The following FAXDC2 variants were observed in gnomAD, a reference collection of about 807,000 sequenced individuals.
FAXDC2 encodes the protein fatty acid hydroxylase domain-containing protein 2.
Under a neutral mutation model 40.9 loss-of-function variants are expected in FAXDC2, and 41 were observed. The ratio of observed to expected loss-of-function variants is 1.00; its 90% CI spans 0.78 to 1.30. FAXDC2 has a LOEUF of 1.30. Ranked by LOEUF, FAXDC2 falls within the 50% of genes most tolerant of loss-of-function variation. The pLI, the probability that FAXDC2 is intolerant of heterozygous loss-of-function variation, is 0.00. For missense variants in FAXDC2, 390 were observed against 408.8 expected (o/e 0.95, Z 0.40); for synonymous variants, 157 against 149.3 (o/e 1.05, Z -0.38).
At chr5:154,822,385 T>C in intron 7 of FAXDC2, 87 bp downstream of exon 7, 1 of 852,234 alleles carries the variant, frequency 1.2e-6, no homozygotes, top group South Asian at 1.5e-5. Context: ...AAAGGGCCGG[T>C]GTGGTCTAAG....
At chr5:154,828,838 C>T (rs756688536) in intron 5 of FAXDC2, among the ~76,000 whole-genome samples, 1 of 147,416 alleles carries the variant, frequency 6.8e-6, no homozygotes, top group Non-Finnish European at 1.5e-5. Flanking sequence ...TAGCATCAAG[C>T]GATCCTCCTG....
intron 1 of FAXDC2, among the ~76,000 whole-genome samples, chr5:154,847,783 G>T (rs1030665424): frequency 6.6e-6 from 1 of 151,512 alleles, no homozygotes; most frequent in Non-Finnish European, 1.5e-5. Flanking sequence ...GAGCCACTGC[G>T]CCTGGCCCAG....
intron 1 of FAXDC2, among the ~76,000 whole-genome samples, chr5:154,847,737 C>A (rs945110643): frequency 6.6e-6 from 1 of 151,356 alleles, no homozygotes; most frequent in Non-Finnish European, 1.5e-5. Flanking sequence ...GTGATACACC[C>A]ACCTTGGCCT....
At chr5:154,822,887 C>T (rs1309620951) in intron 6 of FAXDC2, among the ~76,000 whole-genome samples, 2 of 152,216 alleles carry the variant, frequency 1.3e-5, no homozygotes, top group East Asian at 1.9e-4. Flanking sequence ...TTTGGACATT[C>T]ATTCCTCAGT....
chr5:154,850,420 A>C (rs1481690138), intron 1 of FAXDC2, 63 bp downstream of exon 1: 5 of 152,108 alleles, frequency 3.3e-5, no homozygotes, highest in Non-Finnish European at 5.9e-5. Flanking sequence ...CCCTTACTTT[A>C]AGTGAACCTG....
chr5:154,823,032 G>A (rs1296298813), intron 6 of FAXDC2, among the ~76,000 whole-genome samples: 2 of 151,908 alleles, frequency 1.3e-5, no homozygotes, highest in Non-Finnish European at 2.9e-5. Context: ...TTTTCTTTGA[G>A]ACAAGGTCTT....
chr5:154,848,241 AG>A (rs1233278875), intron 1 of FAXDC2, among the ~76,000 whole-genome samples: 1 of 152,120 alleles, frequency 6.6e-6, no homozygotes, highest in African/African-American at 2.4e-5. Context: ...TTACTCTTAG[AG>A]GGGGGAGAAA....
At chr5:154,824,237 C>CA (rs1488764372) in intron 5 of FAXDC2, 2 of 529,736 alleles carry the variant, frequency 3.8e-6, no homozygotes, top group Non-Finnish European at 6.8e-6. Context: ...CATTTGGCCT[C>CA]AATACTGCAG....
intron 5 of FAXDC2, chr5:154,830,537 G>A: frequency 5.5e-6 from 2 of 363,718 alleles, no homozygotes; most frequent in South Asian, 4.1e-5. Flanking sequence ...TGACCACAGT[G>A]CCATGGGGCA....
intron 2 of FAXDC2, 48 bp downstream of exon 2, chr5:154,838,083 C>T: frequency 7.8e-7 from 1 of 1,274,728 alleles, no homozygotes; most frequent in Non-Finnish European, 1.1e-6. Context: ...TGGCAAAGAG[C>T]CACTGACTAC....
At chr5:154,831,092 G>T in intron 4 of FAXDC2, 170 bp from the exon 5 acceptor site, 1 of 618,524 alleles carries the variant, frequency 1.6e-6, no homozygotes, top group Non-Finnish European at 2.7e-6. Flanking sequence ...GTAGGAACTT[G>T]GACAGGCCAT....
chr5:154,826,072 G>T (rs1178150188), intron 5 of FAXDC2, among the ~76,000 whole-genome samples: 1 of 152,166 alleles, frequency 6.6e-6, no homozygotes, highest in South Asian at 2.1e-4. Flanking sequence ...TGTGTGAGCT[G>T]TCGGCCTATG....
At chr5:154,841,890 C>T (rs908439756) in intron 1 of FAXDC2, among the ~76,000 whole-genome samples, 8 of 152,108 alleles carry the variant, frequency 5.3e-5, no homozygotes, top group African/African-American at 1.9e-4. Context: ...GGTCTGCCAC[C>T]ATGCACAGCT....
chr5:154,823,390 T>G lies in FAXDC2; in HGVS notation c.569A>C (p.His190Pro), dbSNP rs1759935890. The change falls in exon 6 of 9, where the codon CAC becomes CCC. Residue 190 changes from histidine (H) to proline (P), a missense_variant. His to Pro is a moderately conservative substitution (Grantham distance 77). Coordinates refer to ENST00000326080, the MANE Select transcript of FAXDC2 (RefSeq NM_032385.5). ...LIEEVLFYYS[H>P]RLLHHPTFYK... is the part of the protein sequence containing the mutation. Reference sequence around the variant, plus strand: ...GCCTCAGGCAGGGCCTGCTCACCGGTGTGAATAGTAGAACAAGACTTCCTC... The same window carrying G: ...GCCTCAGGCAGGGCCTGCTCACCGGGGTGAATAGTAGAACAAGACTTCCTC... 1 of 1,612,724 alleles carries G rather than the reference T, an allele frequency of 6.2e-7. No individual in the cohort carries two copies. The highest frequency in any genetic ancestry group is 8.5e-7 in the Non-Finnish European group (1 of 1,179,856).
At chr5:154,834,776 C>T (rs777635154) in intron 3 of FAXDC2, 48 bp from the exon 4 acceptor site, 4 of 1,591,758 alleles carry the variant, frequency 2.5e-6, no homozygotes, top group African/African-American at 1.3e-5. Flanking sequence ...GGGTGGACAG[C>T]TCCTTCCCCT....
chr5:154,838,130 C>T lies in FAXDC2; in HGVS notation c.48+1G>A, dbSNP rs1413650626. 1 of 1,610,022 alleles carries T rather than the reference C, an allele frequency of 6.2e-7. No individual in the cohort carries two copies. The highest frequency in any genetic ancestry group is 8.5e-7 in the Non-Finnish European group (1 of 1,176,606). On this transcript the variant is annotated splice_donor_variant, in intron 2 of 8. Coordinates refer to ENST00000326080, the MANE Select transcript of FAXDC2 (RefSeq NM_032385.5). LOFTEE classifies it high-confidence loss of function. ...TTTGGGGGCAAGGTGCTGGCATTTA[C>T]CTGCTTTGACTTTTCATTGTGTAGC... is the stretch of plus-strand genomic sequence containing the variant.
chr5:154,823,163 C>T, intron 6 of FAXDC2: 1 of 529,796 alleles, frequency 1.9e-6, no homozygotes, highest in Non-Finnish European at 3.4e-6. Flanking sequence ...AAGTACACAC[C>T]ACCATGCCTG....
chr5:154,824,289 T>C (rs1274998081), intron 5 of FAXDC2: 1 of 589,528 alleles, frequency 1.7e-6, no homozygotes, highest in African/African-American at 1.9e-5. Flanking sequence ...GACCCTTCCC[T>C]TTGTCAGAGC....
At chr5:154,848,684 C>T (rs1160153035) in intron 1 of FAXDC2, among the ~76,000 whole-genome samples, 5 of 151,974 alleles carry the variant, frequency 3.3e-5, no homozygotes, top group African/African-American at 4.8e-5. Flanking sequence ...AGATGAAATG[C>T]GGCCAGGAGC....
Sources: gnomAD v4.1 joint callset for allele counts (sites outside exome capture counted in the v4.1 genomes callset) on GRCh38, gnomAD v4.1.1 for gene constraint, MANE v1.5 for transcripts, NCBI Gene and HGNC (gene_info 2026-07-23, HGNC 2026-07-21) for gene names.